Variants in KRT12 observed in about 807,000 individuals in gnomAD.
KRT12 encodes keratin, type I cytoskeletal 12.
KRT12 carries 43 observed loss-of-function variants against 50.2 expected under a neutral mutation model. The observed-to-expected ratio is 0.86, with a 90% CI of 0.67 to 1.11. The LOEUF is 1.11. Among genes scored for constraint, KRT12 ranks in the 50% least tolerant of loss-of-function variants. The probability of loss-of-function intolerance (pLI) is 0.00; values close to 1 mark genes in which losing one functional copy is unlikely to be tolerated. For missense variants in KRT12, 588 were observed against 625.6 expected, an observed-to-expected ratio of 0.94 and a Z score of 0.64; for synonymous variants, 257 against 253.6, an observed-to-expected ratio of 1.01 and a Z score of -0.13.
At position 40,863,665 on chromosome 17, in the gene KRT12, T is replaced by G. The variant is rs375339109; in HGVS notation, c.969+38A>C. On this transcript the variant is annotated intron_variant, in intron 4 of 7. Coordinates refer to ENST00000251643, the MANE Select transcript of KRT12 (RefSeq NM_000223.4). This position sits in a 1 kb window ranked among gnomAD's most constrained non-coding sequence, Gnocchi z 4.2. The stretch of plus-strand genomic sequence containing the variant: ...GAGCGCTGAGCTCGTTCGCAGGCCT[T>G]TCTGTGAATGTATCAAAGCCTTTGT... 8 of 1,614,080 alleles carry G rather than the reference T, an allele frequency of 5.0e-6. No individual in the cohort carries two copies. Among genetic ancestry groups the G allele is most frequent in the Non-Finnish European group, 6.8e-6 (8 of 1,180,050 alleles).
chr17:40,865,571 T>C (rs913793042), intron 2 of KRT12, among the ~76,000 whole-genome samples: 6 of 152,144 alleles, frequency 3.9e-5, no homozygotes, highest in African/African-American at 1.4e-4. Context: ...AAAACAATGG[T>C]TGATACATTG....
Position 40,866,995 on chromosome 17 carries a change from A to T in KRT12, c.192T>A (p.Gly64=). ...GGGFSAASMF[G]SSSGFGGGSG... is the part of the protein sequence containing the mutation. ...AGCCACCCCCAAAGCCGGAACTAGA[A>T]CCAAACATGGAAGCAGCAGAAAAGC... The change falls in exon 1 of 8, where the codon GGT becomes GGA. Residue 64 remains glycine (G), a synonymous_variant. Transcript: ENST00000251643. The T allele has an allele frequency of 6.3e-7, 1 of 1,597,040 alleles. No homozygotes were observed. The highest frequency in any genetic ancestry group is 8.5e-7 in the Non-Finnish European group (1 of 1,172,272).
rs572895681 is a variant in KRT12, at chr17:40,863,423, T to C, written c.1095+62A>G. On this transcript the variant is annotated intron_variant, in intron 5 of 7. Coordinates refer to ENST00000251643, the MANE Select transcript of KRT12 (RefSeq NM_000223.4). This position sits in a 1 kb window ranked among gnomAD's most constrained non-coding sequence, Gnocchi z 4.2. The stretch of plus-strand genomic sequence containing the variant: ...GAGGGTAGCCAACGGCTAATGTAAT[T>C]TGGATGCAGCATTTTCTTTGGAAGT... 2 of 1,614,132 alleles carry C rather than the reference T, an allele frequency of 1.2e-6. No homozygotes were observed. The highest frequency in any genetic ancestry group is 2.7e-5 in the African/African-American group (2 of 75,062).
chr17:40,864,815 G>T lies in KRT12; in HGVS notation c.798C>A (p.Asn266Lys), dbSNP rs1377759568. Residue 266 changes from asparagine (N) to lysine (K), a missense_variant, in exon 3 of 8, where the codon AAC (asparagine) becomes AAA (lysine). Physicochemically the swap from Asn to Lys is moderately conservative, Grantham distance 94 (BLOSUM62 0). Transcript: ENST00000251643. ...GCCCTGTCTGACTCACATCCTCGTG[G>T]TTCTTCTTCATGTAGGCCAGCTCCT... ...LNEELAYMKK[N>K]HEDELQSFRV... 6.2e-7 allele frequency: 1 copy of T among 1,614,068 alleles called. No homozygotes were observed. The highest frequency in any genetic ancestry group is 8.5e-7 in the Non-Finnish European group (1 of 1,180,052).
At position 40,863,015 on chromosome 17, in the gene KRT12, G is replaced by T. The variant is rs1906858079; in HGVS notation, c.1316+108C>A. 2.1e-6 allele frequency: 2 copies of T among 943,744 alleles called. No individual in the cohort carries two copies. Among genetic ancestry groups the T allele is most frequent in the African/African-American group, 1.6e-5 (1 of 61,866 alleles). 58.5% of individuals were successfully genotyped at this position (943,744 alleles called of 1,614,324 possible). ...TCCCAGGCATATCTTTACTAGACTT[G>T]TGTTTGTTTGTTTGCTTTTCTGTCA... is the stretch of plus-strand genomic sequence containing the variant. On this transcript the variant is annotated intron_variant, in intron 6 of 7. Transcript: ENST00000251643. This position sits in a 1 kb window ranked among gnomAD's most constrained non-coding sequence, Gnocchi z 4.2.
chr17:40,864,773 A>AT (rs1555552207), intron 3 of KRT12, 33 bp downstream of exon 3: 1 of 1,610,718 alleles, frequency 6.2e-7, no homozygotes, highest in South Asian at 1.1e-5. Flanking sequence ...GAAAAAAAAA[A>AT]GTAGCTGAGT....
Position 40,863,729 on chromosome 17 carries a change from C to T in KRT12, c.943G>A (p.Asp315Asn), listed in dbSNP as rs768257744. The change falls in exon 4 of 8, where the codon GAC becomes AAC. Residue 315 changes from aspartate (D) to asparagine (N), a missense_variant. Coordinates refer to ENST00000251643, the MANE Select transcript of KRT12 (RefSeq NM_000223.4). The surrounding 1 kb of genome is among the most constrained non-coding windows in gnomAD (Gnocchi z 4.2). ...TTTTCAATGAACCAGGCTTCAGCGT[C>T]CTTCCGATTCTGCTCAGCGATGGTT... Reference protein sequence around the residue: ...YETIAEQNRKDAEAWFIEKSG... With the variant: ...YETIAEQNRKNAEAWFIEKSG... 2 of 1,613,858 alleles carry T rather than the reference C, an allele frequency of 1.2e-6. No homozygotes were observed. The highest frequency in any genetic ancestry group is 1.1e-5 in the South Asian group (1 of 91,068).
At position 40,863,914 on chromosome 17, in the gene KRT12, C is replaced by T. The variant is rs754187581; in HGVS notation, c.808-50G>A. On this transcript the variant is annotated intron_variant, in intron 3 of 7. Coordinates refer to ENST00000251643, the MANE Select transcript of KRT12 (RefSeq NM_000223.4). This position sits in a 1 kb window ranked among gnomAD's most constrained non-coding sequence, Gnocchi z 4.2. ...GGGCACAGGGGTCCATTGTGACTTTCGTGGGCCCTGGATACTTTTGTCCTC... is the reference window on the plus strand; with the variant it reads ...GGGCACAGGGGTCCATTGTGACTTTTGTGGGCCCTGGATACTTTTGTCCTC... 7.0e-6 allele frequency: 10 copies of T among 1,420,116 alleles called. No homozygotes were observed. Among genetic ancestry groups the T allele is most frequent in the East Asian group, 5.5e-5 (2 of 36,432 alleles). 88.0% of individuals were successfully genotyped at this position (1,420,116 alleles called of 1,614,324 possible). A position where few individuals can be genotyped will look rare whatever the true frequency, so the allele number is the denominator to read the frequency against.
chr17:40,866,315 G>A, intron 1 of KRT12, 78 bp from the exon 2 acceptor site: 1 of 1,098,594 alleles, frequency 9.1e-7, no homozygotes, highest in Non-Finnish European at 1.4e-6. Context: ...TGACACAAAG[G>A]TGAAAATGGT....
In KRT12 at chr17:40,861,636, A is replaced by C. The variant is rs1205189008; in HGVS notation, c.*25T>G. On this transcript the variant is annotated 3_prime_UTR_variant, in exon 8 of 8. Transcript: ENST00000251643. ...TAAATTTCTTGTTCCTAAGGAACCA[A>C]TCATGGGGCAGATCTTGTGAAATTT... The C allele has an allele frequency of 7.0e-7, 1 of 1,426,008 alleles. No homozygotes were observed. Among genetic ancestry groups the C allele is most frequent in the African/African-American group, 1.4e-5 (1 of 71,342 alleles). 88.3% of individuals were successfully genotyped at this position (1,426,008 alleles called of 1,614,324 possible).
rs765558101 is a variant in KRT12, at chr17:40,864,869, G to A, written c.744C>T (p.Asp248=). The stretch of plus-strand genomic sequence containing the variant: ...TCAGGCTCTCGATCTGCATCTCCAG[G>A]TCGGTCCTGGTCAGGGTCAGCTCGT... The part of the protein sequence containing the change: ...VLDELTLTRT[D]LEMQIESLNE... The change falls in exon 3 of 8, where the codon GAC becomes GAT. Residue 248 remains aspartate, a synonymous_variant. Transcript: ENST00000251643. 1.2e-6 allele frequency: 2 copies of A among 1,614,218 alleles called. No homozygotes were observed. Among genetic ancestry groups the A allele is most frequent in the Non-Finnish European group, 1.7e-6 (2 of 1,180,028 alleles).
At chr17:40,864,780 G>C in intron 3 of KRT12, 26 bp downstream of exon 3, 1 of 1,610,330 alleles carries the variant, frequency 6.2e-7, no homozygotes, top group Non-Finnish European at 8.5e-7. Context: ...AAAAGTAGCT[G>C]AGTGAGGCTG....
Position 40,863,601 on chromosome 17 carries a change from G to T in KRT12, c.979C>A (p.Leu327Ile). The change falls in exon 5 of 8, where the codon CTC becomes ATC. Residue 327 changes from leucine to isoleucine, a missense_variant. Transcript: ENST00000251643. This position sits in a 1 kb window ranked among gnomAD's most constrained non-coding sequence, Gnocchi z 4.2. ...EAWFIEKSGELRKEISTNTEQ... is the reference protein window; with the variant it reads ...EAWFIEKSGEIRKEISTNTEQ... Reference sequence around the variant, plus strand: ...GTGTTGGTGCTAATCTCCTTACGGAGCTCCCCGCTCTGCAACAGCAAAGAC... The same window carrying T: ...GTGTTGGTGCTAATCTCCTTACGGATCTCCCCGCTCTGCAACAGCAAAGAC... 1 of 1,614,238 alleles carries T rather than the reference G, an allele frequency of 6.2e-7. No homozygotes were observed.
intron 2 of KRT12, 48 bp downstream of exon 2, chr17:40,866,107 A>C: frequency 1.5e-6 from 2 of 1,370,928 alleles, no homozygotes; most frequent in Non-Finnish European, 1.0e-6. Flanking sequence ...ACAGTAGGAC[A>C]GAAGACATGG....
chr17:40,861,850 T>A, intron 7 of KRT12, 92 bp from the exon 8 acceptor site: 2 of 840,864 alleles, frequency 2.4e-6, no homozygotes, highest in Non-Finnish European at 4.1e-6. Context: ...AAATTAAGCA[T>A]TGGTTGATAC....
Position 40,866,888 on chromosome 17 carries a change from C to T in KRT12, c.299G>A (p.Gly100Glu). ...GGGSFGGLGM[G>E]FGGSPGGGSL... ...GCCACCTCCTGGGCTGCCCCCAAAT[C>T]CCATCCCCAGCCCTCCAAAGCTACC... The change falls in exon 1 of 8, where the codon GGA becomes GAA. Residue 100 changes from glycine (G) to glutamate (E), a missense_variant. Gly to Glu is a moderately conservative substitution (Grantham distance 98). Transcript: ENST00000251643. 1 of 1,614,102 alleles carries T rather than the reference C, an allele frequency of 6.2e-7. No individual in the cohort carries two copies. Among genetic ancestry groups the T allele is most frequent in the Non-Finnish European group, 8.5e-7 (1 of 1,179,988 alleles).
At chr17:40,861,836 T>C in intron 7 of KRT12, 78 bp from the exon 8 acceptor site, 1 of 933,304 alleles carries the variant, frequency 1.1e-6, no homozygotes, top group East Asian at 2.4e-5. Context: ...TAATGTAGGC[T>C]TCTAAATTAA....
rs1379058541 is a variant in KRT12, at chr17:40,866,898, G to A, written c.289C>T (p.Leu97=). ...GGGCTGCCCCCAAATCCCATCCCCA[G>A]CCCTCCAAAGCTACCTCCACCCAGG... ...RALGGGSFGG[L]GMGFGGSPGG... The change falls in exon 1 of 8, where the codon CTG becomes TTG. Residue 97 remains leucine (L), a synonymous_variant. Transcript: ENST00000251643. 6.2e-7 allele frequency: 1 copy of A among 1,613,710 alleles called. No homozygotes were observed. The highest frequency in any genetic ancestry group is 1.7e-5 in the Admixed American group (1 of 59,948).
In KRT12 at chr17:40,867,210, T is replaced by A; in HGVS notation, c.-24A>T. 6.3e-7 allele frequency: 1 copy of A among 1,594,966 alleles called. No homozygotes were observed. Among genetic ancestry groups the A allele is most frequent in the Non-Finnish European group, 8.5e-7 (1 of 1,173,906 alleles). On this transcript the variant is annotated 5_prime_UTR_variant, in exon 1 of 8. Transcript: ENST00000251643. ...ATGGCCTGGGGAAGGTGGCCACAACTGGAGAGGAAGTTGTGCCAGCAAGCC... is the reference window on the plus strand; with the variant it reads ...ATGGCCTGGGGAAGGTGGCCACAACAGGAGAGGAAGTTGTGCCAGCAAGCC...
Sources: gnomAD v4.1 joint callset for allele counts (sites outside exome capture counted in the v4.1 genomes callset) on GRCh38, gnomAD v4.1.1 for gene constraint, Gnocchi (gnomAD v3.1) non-coding constraint, MANE v1.5 for transcripts, NCBI Gene and HGNC (gene_info 2026-07-23, HGNC 2026-07-21) for gene names.